The following HYI variants were observed in gnomAD, a reference collection of about 807,000 sequenced individuals.
HYI encodes the protein putative hydroxypyruvate isomerase.
HYI carries 47 observed loss-of-function variants against 39.7 expected under a neutral mutation model. That is an observed-to-expected ratio of 1.18 (90% CI 0.94 to 1.51). The LOEUF is 1.51. HYI is among the 40% of genes most tolerant of loss of function. HYI has a pLI of 0.00. For missense variants in HYI, 465 were observed against 370.3 expected, an observed-to-expected ratio of 1.26 and a Z score of -2.10; for synonymous variants, 186 against 158.8, an observed-to-expected ratio of 1.17 and a Z score of -1.29.
intron 6 of HYI, 24 bp from the exon 7 acceptor site, chr1:43,451,568 TG>T: frequency 6.2e-7 from 1 of 1,613,180 alleles, no homozygotes; most frequent in Non-Finnish European, 8.5e-7. Flanking sequence ...TGGACAAATG[TG>T]GGGTCCAGGC....
At position 43,453,768 on chromosome 1, in the gene HYI, T is replaced by G; in HGVS notation, c.26A>C (p.Asn9Thr). The change falls in exon 1 of 8, where the codon AAT becomes ACT. Residue 9 changes from asparagine to threonine, a missense_variant. By Grantham distance (65) the Asn-to-Thr change is moderately conservative. Coordinates refer to ENST00000372430, the MANE Select transcript of HYI (RefSeq NM_001190880.3). ...GAGCTCGGGGAATAGCCAGGACAGA[T>G]TGGCGGAGAAGCGCAGCGGCGCCAT... Reference protein sequence around the residue: MAPLRFSANLSWLFPELSG... With the variant: MAPLRFSATLSWLFPELSG... 1 of 1,300,042 alleles carries G rather than the reference T, an allele frequency of 7.7e-7. No individual in the cohort carries two copies. The highest frequency in any genetic ancestry group is 2.5e-5 in the South Asian group (1 of 40,306). The allele number at this position is 1,300,042 out of a possible 1,614,324, so 80.5% of individuals were successfully genotyped here.
Position 43,453,422 on chromosome 1 carries a change from T to A in HYI, c.275A>T (p.Gln92Leu), listed in dbSNP as rs776939158. Residue 92 changes from glutamine (Q) to leucine (L), a missense_variant, in exon 2 of 8, where the codon CAG becomes CTG. Gln to Leu is a moderately radical substitution (Grantham distance 113, BLOSUM62 -2). Coordinates refer to ENST00000372430, the MANE Select transcript of HYI (RefSeq NM_001190880.3). ...RQAAFREGLEQAVRYAKALGC... is the reference protein window; with the variant it reads ...RQAAFREGLELAVRYAKALGC... ...CAGGGCTTTGGCATACCGCACGGCC[T>A]GCTCCAGTCCCTCTCGGAAGGCCGC... 3 of 1,560,704 alleles carry A rather than the reference T, an allele frequency of 1.9e-6. No individual in the cohort carries two copies. In the Admixed American group the frequency reaches 5.5e-5, roughly 29 times the overall value.
Position 43,453,597 on chromosome 1 carries a change from G to C in HYI, c.197C>G (p.Pro66Arg), listed in dbSNP as rs1199633195. Residue 66 changes from proline to arginine, a missense_variant and splice_region_variant, in exon 1 of 8, where the codon CCG becomes CGG. Coordinates refer to ENST00000372430, the MANE Select transcript of HYI (RefSeq NM_001190880.3). The stretch of plus-strand genomic sequence containing the variant: ...AGCCCTCCCGGCCCGCGACGCACCC[G>C]GGGGCGTGTTGATCAGTACAAGCCG... Reference protein sequence around the residue: ...GLRLVLINTPPGDQEKGEMGL... With the variant: ...GLRLVLINTPRGDQEKGEMGL... 19 of 1,493,094 alleles carry C rather than the reference G, an allele frequency of 1.3e-5. No individual in the cohort carries two copies. The highest frequency in any genetic ancestry group is 7.5e-5 in the South Asian group (6 of 80,308). The allele number at this position is 1,493,094 out of a possible 1,614,324, so 92.5% of individuals were successfully genotyped here.
At chr1:43,452,563 TC>T in intron 2 of HYI, 1 of 619,788 alleles carries the variant, frequency 1.6e-6, no homozygotes, top group Non-Finnish European at 2.9e-6. Context: ...CCAAAACCTT[TC>T]CTTCCCTCGG....
At chr1:43,450,744 G>C, downstream of HYI, 1 of 704,746 alleles carries the variant, frequency 1.4e-6, no homozygotes, top group Non-Finnish European at 2.6e-6. This position sits in a 1 kb window ranked among gnomAD's most constrained non-coding sequence, Gnocchi z 4.3. Flanking sequence ...GGCCCTTCTG[G>C]GGTACTCCTT....
intron 3 of HYI, 23 bp downstream of exon 3, chr1:43,452,182 G>A (rs562736952): frequency 2.1e-5 from 33 of 1,577,680 alleles, no homozygotes; most frequent in East Asian, 4.5e-5. Context: ...ATGTAAGTAC[G>A]TGTGTGTTTC....
intron 2 of HYI, chr1:43,453,075 C>T: frequency 1.1e-6 from 1 of 899,396 alleles, no homozygotes; most frequent in Non-Finnish European, 1.8e-6. Context: ...GGTGCCTACC[C>T]TGCTCCCACA....
Position 43,453,725 on chromosome 1 carries a change from C to A in HYI, c.69G>T (p.Arg23=), listed in dbSNP as rs764135409. The A allele has an allele frequency of 7.2e-7, 1 of 1,390,656 alleles. No homozygotes were observed. Among genetic ancestry groups the A allele is most frequent in the East Asian group, 3.0e-5 (1 of 33,164 alleles). The allele number at this position is 1,390,656 out of a possible 1,614,324, so 86.1% of individuals were successfully genotyped here. The change falls in exon 1 of 8, where the codon CGG becomes CGT. Residue 23 remains arginine, a synonymous_variant. Coordinates refer to ENST00000372430, the MANE Select transcript of HYI (RefSeq NM_001190880.3). Reference sequence around the variant, plus strand: ...AGCCCGAGCTGCCCGCGGCCCGCACCCGCGCGGGGAGGCCGGAGAGCTCGG... The same window carrying A: ...AGCCCGAGCTGCCCGCGGCCCGCACACGCGCGGGGAGGCCGGAGAGCTCGG... The part of the protein sequence containing the change: ...LFPELSGLPA[R]VRAAGSSGFE...
intron 2 of HYI, chr1:43,453,062 T>C: frequency 1.9e-6 from 2 of 1,043,802 alleles, no homozygotes; most frequent in Admixed American, 3.9e-5. Context: ...CCAGACAGGG[T>C]TAGGTGCCTA....
rs1404939086 is a variant in HYI, at chr1:43,453,459, G to A, written c.238C>T (p.Pro80Ser). ...TCTCGGAAGGCCGCCTGTCTCCCGG[G>A]GACGGCCCCCAGCCCCATTTCCCCC... ...EKGEMGLGAV[P>S]GRQAAFREGL... Residue 80 changes from proline (P) to serine (S), a missense_variant, in exon 2 of 8, where the codon CCC becomes TCC. Pro to Ser is a moderately conservative substitution (Grantham distance 74, BLOSUM62 -1). Transcript: ENST00000372430. 1 of 1,563,512 alleles carries A rather than the reference G, an allele frequency of 6.4e-7. No individual in the cohort carries two copies. The highest frequency in any genetic ancestry group is 2.4e-5 in the East Asian group (1 of 41,510).
At chr1:43,452,728 A>G (rs1656576973) in intron 2 of HYI, 1 of 653,040 alleles carries the variant, frequency 1.5e-6, no homozygotes, top group Non-Finnish European at 2.7e-6. Flanking sequence ...CCCACCATTG[A>G]CCAGTAGTGA....
rs984593130 is a variant in HYI, at chr1:43,453,868, G to A, written c.-75C>T. 5 of 1,218,200 alleles carry A rather than the reference G, an allele frequency of 4.1e-6. No individual in the cohort carries two copies. The highest frequency in any genetic ancestry group is 5.1e-6 in the Non-Finnish European group (5 of 983,294). 75.5% of individuals were successfully genotyped at this position (1,218,200 alleles called of 1,614,324 possible). On this transcript the variant is annotated 5_prime_UTR_variant, in exon 1 of 8. Coordinates refer to ENST00000372430, the MANE Select transcript of HYI (RefSeq NM_001190880.3). ...GCGGCGGGCGGCGGGCGGCGGGCGGGGGCGGGGCTCTCCTTGCTGGCCCTG... is the reference window on the plus strand; with the variant it reads ...GCGGCGGGCGGCGGGCGGCGGGCGGAGGCGGGGCTCTCCTTGCTGGCCCTG...
Position 43,453,815 on chromosome 1 carries a change from C to T in HYI, c.-22G>A, listed in dbSNP as rs182798940. 83,850 of 1,232,784 alleles carry T rather than the reference C, an allele frequency of 0.068. 3,141 individuals carry two copies. Among genetic ancestry groups the T allele is most frequent in the Middle Eastern group, 0.083 (264 of 3,192 alleles). 76.4% of individuals were successfully genotyped at this position (1,232,784 alleles called of 1,614,324 possible). A position where few individuals can be genotyped will look rare whatever the true frequency, so the allele number is the denominator to read the frequency against. Reference sequence around the variant, plus strand: ...CCATGCCTGGGGAGGCCGGGCCGGGCGGAGTCCGCGGGATCCAAAGGCGGC... The same window carrying T: ...CCATGCCTGGGGAGGCCGGGCCGGGTGGAGTCCGCGGGATCCAAAGGCGGC... On this transcript the variant is annotated 5_prime_UTR_variant, in exon 1 of 8. Transcript: ENST00000372430.
In HYI at chr1:43,451,833, G is replaced by A. The variant is rs771597310; in HGVS notation, c.520C>T (p.Gln174Ter). The A allele has an allele frequency of 3.3e-5, 53 of 1,613,948 alleles. No homozygotes were observed. In the Middle Eastern group the frequency reaches 1.5e-3, roughly 45 times the overall value. Reference sequence around the variant, plus strand: ...TGGAGGTTGGGTCTTCCTACCTTCTGTAAGATGGCTGCCGCTGTAAGAGAA... The same window carrying A: ...TGGAGGTTGGGTCTTCCTACCTTCTATAAGATGGCTGCCGCTGTAAGAGAA... The part of the protein sequence containing the change: ...DTPQQAAAIL[Q>*]KVGRPNLQLQ... The change falls in exon 5 of 8, where the codon CAG becomes TAG. Residue 174 changes from glutamine to a stop codon, truncating the protein, a stop_gained. Coordinates refer to ENST00000372430, the MANE Select transcript of HYI (RefSeq NM_001190880.3). LOFTEE classifies it high-confidence loss of function.
In HYI at chr1:43,453,410, T is replaced by C. The variant is rs142369206; in HGVS notation, c.287A>G (p.Tyr96Cys). The C allele has an allele frequency of 0.022, 34,863 of 1,557,122 alleles. 464 individuals carry two copies. The highest frequency in any genetic ancestry group is 0.047 in the Middle Eastern group (283 of 5,990). ...CCTGGGACAGCCCAGGGCTTTGGCA[T>C]ACCGCACGGCCTGCTCCAGTCCCTC... is the stretch of plus-strand genomic sequence containing the variant. The part of the protein sequence containing the change: ...FREGLEQAVR[Y>C]AKALGCPRIH... The change falls in exon 2 of 8, where the codon TAT (tyrosine) becomes TGT (cysteine). Residue 96 changes from tyrosine to cysteine, a missense_variant. Tyr to Cys is a radical substitution (Grantham distance 194, BLOSUM62 -2). Transcript: ENST00000372430.
intron 2 of HYI, chr1:43,452,545 A>G: frequency 3.1e-6 from 2 of 639,694 alleles, no homozygotes; most frequent in Admixed American, 4.6e-5. Flanking sequence ...TCCTGCCTCC[A>G]GTACTTTCCA....
Position 43,451,636 on chromosome 1 carries a change from AG to A in HYI, c.625+11del, listed in dbSNP as rs1401653889. Reference sequence around the variant, plus strand: ...ATTGAAAGGGTGGGAGGGCAAAGGAAGGTCCTCTCACCAACAATGGGCAGGA... The same window carrying A: ...ATTGAAAGGGTGGGAGGGCAAAGGAAGTCCTCTCACCAACAATGGGCAGGA... On this transcript the variant is annotated intron_variant, in intron 6 of 7. Coordinates refer to ENST00000372430, the MANE Select transcript of HYI (RefSeq NM_001190880.3). 6.2e-7 allele frequency: 1 copy of A among 1,614,094 alleles called. No individual in the cohort carries two copies. The highest frequency in any genetic ancestry group is 1.1e-5 in the South Asian group (1 of 91,078).
Position 43,453,834 on chromosome 1 carries a change from A to AGGGGGCG in HYI, c.-42_-41insCGCCCCC. The AGGGGGCG allele has an allele frequency of 8.4e-7, 1 of 1,194,562 alleles. No homozygotes were observed. The highest frequency in any genetic ancestry group is 1.0e-6 in the Non-Finnish European group (1 of 961,542). 74.0% of individuals were successfully genotyped at this position (1,194,562 alleles called of 1,614,324 possible). On this transcript the variant is annotated 5_prime_UTR_variant, in exon 1 of 8. Coordinates refer to ENST00000372430, the MANE Select transcript of HYI (RefSeq NM_001190880.3). ...GCCGGGCGGAGTCCGCGGGATCCAAAGGCGGCGGGCGGCGGGCGGCGGGCG... is the reference window on the plus strand; with the variant it reads ...GCCGGGCGGAGTCCGCGGGATCCAAAGGGGGCGGGCGGCGGGCGGCGGGCGGCGGGCG...
rs778184888 is a variant in HYI at position 43,451,985 on chromosome 1, A to T, written c.455T>A (p.Ile152Asn). ...CTGGGGGTCAGTGATGCGGGTGTTG[A>T]TGGGCTCCAGCAGTCCCACGAGGTC... ...QEDLVGLLEP[I>N]NTRITDPQYF... Residue 152 changes from isoleucine (I) to asparagine (N), a missense_variant, in exon 4 of 8, where the codon ATC (isoleucine) becomes AAC (asparagine). Ile to Asn is a moderately radical substitution (Grantham distance 149). Coordinates refer to ENST00000372430, the MANE Select transcript of HYI (RefSeq NM_001190880.3). 12 of 1,610,930 alleles carry T rather than the reference A, an allele frequency of 7.4e-6. No individual in the cohort carries two copies. The highest frequency in any genetic ancestry group is 1.0e-5 in the Non-Finnish European group (12 of 1,177,962).
Sources: allele counts gnomAD v4.1 joint callset, GRCh38; gene constraint gnomAD v4.1.1; non-coding constraint Gnocchi (gnomAD v3.1); transcripts MANE v1.5; gene names NCBI Gene and HGNC (gene_info 2026-07-23, HGNC 2026-07-21).